The following AQP7B variants were observed in gnomAD, a reference collection of about 807,000 sequenced individuals.
The protein encoded by AQP7B is putative aquaporin-7B.
chr2:94,601,975 C>G, the AQP7B span, among the ~76,000 whole-genome samples: 35 of 151,242 alleles, frequency 2.3e-4, 1 homozygote, highest in African/African-American at 5.4e-4. Context: ...GAGGGCAAGA[C>G]AGTTAGGGCC....
chr2:94,588,802 C>T, the AQP7B span, among the ~76,000 whole-genome samples: 8 of 151,188 alleles, frequency 5.3e-5, no homozygotes, highest in Non-Finnish European at 7.4e-5. Flanking sequence ...TGGCCTTCAA[C>T]TCAACTGCAC....
chr2:94,596,713 T>G, the AQP7B span, among the ~76,000 whole-genome samples: 1 of 152,140 alleles, frequency 6.6e-6, no homozygotes, highest in Non-Finnish European at 1.5e-5. Context: ...AGCTTTCTTG[T>G]TTTTGAGACA....
chr2:94,590,944 CAAAAAAAA>C, the AQP7B span, among the ~76,000 whole-genome samples: 88 of 49,092 alleles, frequency 1.8e-3, no homozygotes, highest in East Asian at 0.02. Flanking sequence ...GACCCTGTCT[CAAAAAAAA>C]AAAAAAAAAA....
chr2:94,604,490 C>T, the AQP7B span: 6 of 1,610,888 alleles, frequency 3.7e-6, no homozygotes, highest in African/African-American at 1.3e-5. Context: ...TCCCCTCACC[C>T]TCATCTCCGT....
At chr2:94,604,334 G>T in the AQP7B span, 2 of 1,610,658 alleles carry the variant, frequency 1.2e-6, no homozygotes, top group Non-Finnish European at 1.7e-6. Context: ...ACCACTTCTG[G>T]GTGCCTCTCT....
chr2:94,604,470 C>A, the AQP7B span: 10 of 1,611,356 alleles, frequency 6.2e-6, no homozygotes, highest in Non-Finnish European at 8.5e-6. Flanking sequence ...TCTCATGAAC[C>A]CATGATCTCT....
chr2:94,603,123 C>CAGTT, the AQP7B span: 4 of 1,560,180 alleles, frequency 2.6e-6, no homozygotes, highest in Non-Finnish European at 3.5e-6. Context: ...TGTGCTGGGG[C>CAGTT]AGTTCCTGGG....
chr2:94,594,991 G>C, the AQP7B span: 1 of 594,750 alleles, frequency 1.7e-6, no homozygotes, highest in Non-Finnish European at 2.9e-6. Context: ...TGGGAGCCTG[G>C]GGAAGCAGTG....
At chr2:94,597,605 C>A in the AQP7B span, among the ~76,000 whole-genome samples, 1 of 148,152 alleles carries the variant, frequency 6.7e-6, no homozygotes, top group Non-Finnish European at 1.5e-5. Flanking sequence ...ATATCACAGT[C>A]TTTTTTGTTT....
the AQP7B span, among the ~76,000 whole-genome samples, chr2:94,597,288 C>A: frequency 6.6e-5 from 10 of 152,304 alleles, no homozygotes; most frequent in East Asian, 1.4e-3. Flanking sequence ...ACCCTTGGAA[C>A]CTCAGAAGCA....
the AQP7B span, chr2:94,603,585 G>A: frequency 7.0e-7 from 1 of 1,426,830 alleles, no homozygotes; most frequent in Non-Finnish European, 9.5e-7. Context: ...AGATAGACAG[G>A]ACAAGAACTC....
At chr2:94,600,305 T>C in the AQP7B span, among the ~76,000 whole-genome samples, 1 of 152,352 alleles carries the variant, frequency 6.6e-6, no homozygotes, top group Non-Finnish European at 1.5e-5. Flanking sequence ...GGAAATACAA[T>C]GCAAACCATC....
the AQP7B span, chr2:94,594,622 G>A: frequency 9.0e-6 from 6 of 663,718 alleles, no homozygotes; most frequent in East Asian, 2.8e-5. Flanking sequence ...CCCCGGGCAA[G>A]AGGAGGCGTG....
chr2:94,594,236 T>C, the AQP7B span, among the ~76,000 whole-genome samples: 117 of 152,354 alleles, frequency 7.7e-4, no homozygotes, highest in African/African-American at 2.6e-3. Context: ...CAGCACTCAG[T>C]GCTGTTTACA....
chr2:94,598,126 T>G, the AQP7B span, among the ~76,000 whole-genome samples: 1 of 152,202 alleles, frequency 6.6e-6, no homozygotes, highest in East Asian at 1.9e-4. Flanking sequence ...GTAGCACTTG[T>G]AAAAGAACTT....
the AQP7B span, chr2:94,602,721 G>A: frequency 8.3e-7 from 1 of 1,210,936 alleles, no homozygotes; most frequent in South Asian, 1.4e-5. Flanking sequence ...CAGTGCCTCA[G>A]CCTGGCCACC....
chr2:94,598,637 G>T, the AQP7B span, among the ~76,000 whole-genome samples: 1 of 152,190 alleles, frequency 6.6e-6, no homozygotes, highest in African/African-American at 2.4e-5. Flanking sequence ...ATGCAGGCCA[G>T]TGTTGCCTGA....
chr2:94,588,438 G>A, the AQP7B span: 1 of 606,560 alleles, frequency 1.6e-6, no homozygotes. Flanking sequence ...AGGTCTGATG[G>A]AAGTGTGGGG....
chr2:94,588,128 G>C, the AQP7B span, among the ~76,000 whole-genome samples: 2 of 152,050 alleles, frequency 1.3e-5, no homozygotes, highest in Non-Finnish European at 2.9e-5. Flanking sequence ...GACAGTCGCA[G>C]CTTAAGTTAG....
Sources: allele counts gnomAD v4.1 joint callset (sites outside exome capture counted in the v4.1 genomes callset), GRCh38; gene constraint gnomAD v4.1.1; transcripts MANE v1.5; gene names NCBI Gene and HGNC (gene_info 2026-07-23, HGNC 2026-07-21).